The following ATP2C1 variants were observed in gnomAD, a reference collection of about 807,000 sequenced individuals.
ATP2C1 encodes the protein ATPase secretory pathway Ca2+ transporting 1.
A neutral mutation model predicts 120.5 loss-of-function variants in ATP2C1; 31 were observed. The observed-to-expected ratio is 0.26, with a 90% CI of 0.19 to 0.35. The LOEUF is 0.35. ATP2C1 is among the 10% of genes least tolerant of loss of function. The pLI, the probability that ATP2C1 is intolerant of heterozygous loss-of-function variation, is 1.00. For missense variants in ATP2C1, 731 were observed against 1,107.5 expected (o/e 0.66, Z 4.83); for synonymous variants, 351 against 358.7 (o/e 0.98, Z 0.24).
chr3:130,853,168 G>A (rs964931845), intron 1 of ATP2C1, among the ~76,000 whole-genome samples: 33 of 152,212 alleles, frequency 2.2e-4, no homozygotes, highest in Middle Eastern at 3.4e-3. Flanking sequence ...GTCATTAGCC[G>A]TAAGTAAAAA....
In ATP2C1 at chr3:130,967,134, G is replaced by A; in HGVS notation, c.1123-11G>A. 6.2e-7 allele frequency: 1 copy of A among 1,604,822 alleles called. No individual in the cohort carries two copies. Among genetic ancestry groups the A allele is most frequent in the Non-Finnish European group, 8.5e-7 (1 of 1,171,712 alleles). On this transcript the variant is annotated splice_polypyrimidine_tract_variant and intron_variant, in intron 14 of 27. Coordinates refer to ENST00000510168, the MANE Select transcript of ATP2C1 (RefSeq NM_001378687.1). Reference sequence around the variant, plus strand: ...GTGTTTGTATTATTGATCCCACTTTGTGATCTTTAGGTTACTGGAGTTGGC... The same window carrying A: ...GTGTTTGTATTATTGATCCCACTTTATGATCTTTAGGTTACTGGAGTTGGC...
At chr3:131,008,795 A>G (rs1023470111) in intron 26 of ATP2C1, among the ~76,000 whole-genome samples, 8 of 152,188 alleles carry the variant, frequency 5.3e-5, no homozygotes, top group African/African-American at 1.4e-4. Context: ...TCTCTCTTGA[A>G]TGGATGCTCT....
chr3:130,958,222 G>A (rs1353854315), intron 11 of ATP2C1, among the ~76,000 whole-genome samples: 1 of 151,964 alleles, frequency 6.6e-6, no homozygotes, highest in Admixed American at 6.6e-5. Flanking sequence ...TCAGGGGTCA[G>A]CAATTGTTTT....
chr3:130,968,334 A>G (rs891080754), intron 16 of ATP2C1, among the ~76,000 whole-genome samples: 1 of 152,176 alleles, frequency 6.6e-6, no homozygotes, highest in African/African-American at 2.4e-5. Context: ...TTTTATGGGC[A>G]GAGACCTCAC....
At chr3:130,920,770 A>G (rs2058918827) in intron 2 of ATP2C1, among the ~76,000 whole-genome samples, 1 of 152,194 alleles carries the variant, frequency 6.6e-6, no homozygotes, top group Non-Finnish European at 1.5e-5. Flanking sequence ...TTTGAGTAAT[A>G]TTGGCATTTA....
At chr3:131,013,325 C>CATT (rs2063410120) in intron 26 of ATP2C1, among the ~76,000 whole-genome samples, 1 of 152,144 alleles carries the variant, frequency 6.6e-6, no homozygotes. Flanking sequence ...CTAACTTTTT[C>CATT]ATTAAAAAAT....
chr3:130,991,787 A>G (rs1376312008), intron 20 of ATP2C1, among the ~76,000 whole-genome samples: 1 of 152,200 alleles, frequency 6.6e-6, no homozygotes, highest in Non-Finnish European at 1.5e-5. Flanking sequence ...GTTCATCTGT[A>G]GTAAAACCAG....
At chr3:130,980,718 A>T in intron 20 of ATP2C1, 39 bp downstream of exon 20, 1 of 1,412,156 alleles carries the variant, frequency 7.1e-7, no homozygotes, top group Non-Finnish European at 1.0e-6. Flanking sequence ...GAAAGGCCTT[A>T]TTCTAAGTGT....
chr3:130,950,247 T>C (rs115941426), intron 8 of ATP2C1, among the ~76,000 whole-genome samples: 4,101 of 152,212 alleles, frequency 0.027, 191 homozygotes, highest in African/African-American at 0.093. Flanking sequence ...TTTTGAACTG[T>C]TTTATAGCAT....
intron 2 of ATP2C1, among the ~76,000 whole-genome samples, chr3:130,900,550 T>G (rs1249849249): frequency 6.6e-6 from 1 of 152,178 alleles, no homozygotes; most frequent in Non-Finnish European, 1.5e-5. Context: ...AGTGGAAATA[T>G]TTAGGATGTC....
Position 131,001,848 on chromosome 3 carries a change from T to C in ATP2C1, c.*498T>C. ...CTACTGTATTTCCTTTTTCTTGTAA[T>C]GTAAGCAGCTCAGATACCATGTGCT... is the stretch of plus-strand genomic sequence containing the variant. On this transcript the variant is annotated 3_prime_UTR_variant, in exon 28 of 28. Coordinates refer to ENST00000510168, the MANE Select transcript of ATP2C1 (RefSeq NM_001378687.1). 1.0e-6 allele frequency: 1 copy of C among 984,498 alleles called. No homozygotes were observed. Among genetic ancestry groups the C allele is most frequent in the Non-Finnish European group, 1.2e-6 (1 of 830,146 alleles). The allele number at this position is 984,498 out of a possible 1,614,324, so 61.0% of individuals were successfully genotyped here.
In ATP2C1 at chr3:131,001,387, G is replaced by A. The variant is rs758709388; in HGVS notation, c.*37G>A. 36 of 1,606,762 alleles carry A rather than the reference G, an allele frequency of 2.2e-5. 1 individual carries two copies. The South Asian group carries it at 3.5e-4, about 16-fold the overall frequency. On this transcript the variant is annotated 3_prime_UTR_variant, in exon 28 of 28. Coordinates refer to ENST00000510168, the MANE Select transcript of ATP2C1 (RefSeq NM_001378687.1). ...TTATTTTATTTGCAAACTAGGAATT[G>A]CAGTCTGAGGATCATTTAGAAGGGC...
At chr3:130,880,167 G>T (rs1003262718) in intron 1 of ATP2C1, among the ~76,000 whole-genome samples, 1 of 152,062 alleles carries the variant, frequency 6.6e-6, no homozygotes, top group Non-Finnish European at 1.5e-5. Flanking sequence ...CACCTCAAAG[G>T]GCCTGGTGTC....
rs960693643 is a variant in ATP2C1 at position 130,937,335 on chromosome 3, T to C, written c.325-93T>C. The stretch of plus-strand genomic sequence containing the variant: ...TGATCTCAGTGTTTAAAATCTGTTA[T>C]TGTGGGACTGCAGATAGTTAGAAAA... On this transcript the variant is annotated intron_variant, in intron 5 of 27. Transcript: ENST00000510168. The C allele has an allele frequency of 9.6e-6, 10 of 1,042,868 alleles. No individual in the cohort carries two copies. In the Admixed American group the frequency reaches 1.3e-4, roughly 13 times the overall value. 64.6% of individuals were successfully genotyped at this position (1,042,868 alleles called of 1,614,324 possible).
intron 26 of ATP2C1, among the ~76,000 whole-genome samples, chr3:131,009,927 A>G (rs1001018664): frequency 6.6e-6 from 1 of 152,138 alleles, no homozygotes; most frequent in South Asian, 2.1e-4. Context: ...GTCAGGCACC[A>G]CTGAAAGTTT....
chr3:130,866,578 C>T (rs1049557174), intron 1 of ATP2C1, among the ~76,000 whole-genome samples: 6 of 151,580 alleles, frequency 4.0e-5, no homozygotes, highest in African/African-American at 1.4e-4. Context: ...AACTGTAGCT[C>T]CATTATCACT....
intron 7 of ATP2C1, 135 bp from the exon 8 acceptor site, chr3:130,941,456 A>G (rs1014767725): frequency 1.4e-6 from 1 of 699,720 alleles, no homozygotes; most frequent in Non-Finnish European, 2.5e-6. Flanking sequence ...TGGCATCTTA[A>G]GTGTTTAGAA....
chr3:130,970,403 CA>C (rs1559991293), intron 17 of ATP2C1, among the ~76,000 whole-genome samples: 26 of 151,506 alleles, frequency 1.7e-4, no homozygotes, highest in African/African-American at 4.9e-4. Context: ...CACACACACA[CA>C]CACCCTTAAA....
intron 20 of ATP2C1, among the ~76,000 whole-genome samples, chr3:130,989,301 G>A (rs2062188279): frequency 6.7e-6 from 1 of 149,720 alleles, no homozygotes; most frequent in African/African-American, 2.5e-5. Context: ...GGGTGTGGTG[G>A]CTCATGCCTG....
Sources: gnomAD v4.1 joint callset for allele counts (sites outside exome capture counted in the v4.1 genomes callset) on GRCh38, gnomAD v4.1.1 for gene constraint, MANE v1.5 for transcripts, NCBI Gene and HGNC (gene_info 2026-07-23, HGNC 2026-07-21) for gene names.